The following ZNF496 variants were observed in gnomAD, a reference collection of about 807,000 sequenced individuals.
ZNF496 encodes zinc finger protein 496.
ZNF496 carries 11 observed loss-of-function variants against 58.9 expected under a neutral mutation model. That is an observed-to-expected ratio of 0.19 (90% CI 0.12 to 0.31). The LOEUF is 0.31. Among genes scored for constraint, ZNF496 ranks in the 10% least tolerant of loss-of-function variants. ZNF496 has a pLI of 1.00. For synonymous variants in ZNF496, 338 were observed against 318.2 expected, an observed-to-expected ratio of 1.06 and a Z score of -0.66; for missense variants, 660 against 783.0, an observed-to-expected ratio of 0.84 and a Z score of 1.88.
rs757859173 is a variant in ZNF496, at chr1:247,300,583, T to A, written c.1700A>T (p.Asp567Val). ...YCVKSFTQNYDLLRHERLHMK... is the reference protein window; with the variant it reads ...YCVKSFTQNYVLLRHERLHMK... The stretch of plus-strand genomic sequence containing the variant: ...GTGCAGGCGCTCGTGGCGGAGGAGG[T>A]CATAGTTCTGCGTGAAGCTCTTGAC... Residue 567 changes from aspartate (D) to valine (V), a missense_variant, in exon 10 of 10, where the codon GAC (aspartate) becomes GTC (valine). Transcript: ENST00000682384. The surrounding 1 kb of genome is among the most constrained non-coding windows in gnomAD (Gnocchi z 5.7). The A allele has an allele frequency of 1.9e-6, 3 of 1,613,620 alleles. No individual in the cohort carries two copies.
At chr1:247,319,781 G>A (rs752908544) in intron 6 of ZNF496, among the ~76,000 whole-genome samples, 18 of 152,058 alleles carry the variant, frequency 1.2e-4, no homozygotes, top group Admixed American at 2.6e-4. Context: ...AAATGAGCCG[G>A]GCCTGGTGGT....
Position 247,309,711 on chromosome 1 carries a change from C to A in ZNF496, c.880G>T (p.Val294Phe). Residue 294 changes from valine (V) to phenylalanine (F), a missense_variant, in exon 8 of 10, where the codon GTC (valine) becomes TTC (phenylalanine). Physicochemically the swap from Val to Phe is conservative, Grantham distance 50 (BLOSUM62 -1). Coordinates refer to ENST00000682384, the MANE Select transcript of ZNF496 (RefSeq NM_032752.3). The surrounding 1 kb of genome is among the most constrained non-coding windows in gnomAD (Gnocchi z 4.3). ...QDLQGKEVPQ[V>F]SYLDSPSLQP... ...AATCATTACTCACCCAAGTAGGAGA[C>A]CTGGGGCACTTCTTTGCCCTGGAGA... 1 of 1,614,168 alleles carries A rather than the reference C, an allele frequency of 6.2e-7. No homozygotes were observed. The highest frequency in any genetic ancestry group is 8.5e-7 in the Non-Finnish European group (1 of 1,180,036).
chr1:247,328,466 G>A (rs918090596), intron 5 of ZNF496, among the ~76,000 whole-genome samples: 4 of 152,204 alleles, frequency 2.6e-5, no homozygotes, highest in African/African-American at 9.6e-5. Context: ...AGCTCTGAGA[G>A]GCTCTAGAAC....
At chr1:247,319,185 G>A (rs546255444) in intron 6 of ZNF496, among the ~76,000 whole-genome samples, 25 of 151,990 alleles carry the variant, frequency 1.6e-4, no homozygotes, top group Non-Finnish European at 2.4e-4. Flanking sequence ...ACAAGGTTTC[G>A]CTATGTTGCC....
chr1:247,307,572 G>C, intron 9 of ZNF496: 2 of 985,352 alleles, frequency 2.0e-6, no homozygotes, highest in Non-Finnish European at 1.2e-6. Flanking sequence ...AGAAAACCAG[G>C]GGTGGGCATC....
Position 247,300,687 on chromosome 1 carries a change from C to T in ZNF496, c.1596G>A (p.Gln532=). ...FQCCECGKAF[Q]RHDHLARHRS... ...GGTGCCGAGCCAGGTGGTCGTGCCG[C>T]TGGAAGGCCTTCCCACACTCACAGC... The change falls in exon 10 of 10, where the codon CAG becomes CAA. Residue 532 remains glutamine (Q), a synonymous_variant. Transcript: ENST00000682384. The surrounding 1 kb of genome is among the most constrained non-coding windows in gnomAD (Gnocchi z 5.7). 2.5e-6 allele frequency: 4 copies of T among 1,614,090 alleles called. No individual in the cohort carries two copies. Among genetic ancestry groups the T allele is most frequent in the Non-Finnish European group, 3.4e-6 (4 of 1,180,044 alleles).
chr1:247,310,530 G>A, intron 6 of ZNF496, 74 bp from the exon 7 acceptor site: 1 of 1,577,640 alleles, frequency 6.3e-7, no homozygotes, highest in Non-Finnish European at 8.7e-7. Context: ...CACTGAGGCT[G>A]TGACAACACA....
Position 247,299,773 on chromosome 1 carries a change from T to G in ZNF496, c.*746A>C, listed in dbSNP as rs576047408. On this transcript the variant is annotated 3_prime_UTR_variant, in exon 10 of 10. Transcript: ENST00000682384. The stretch of plus-strand genomic sequence containing the variant: ...TAGGTGTGCAACACAAATTAAAATG[T>G]AAGCTTTGTTTTTGGTGAGCTCCAG... 3 of 152,366 alleles carry G rather than the reference T, an allele frequency of 2.0e-5. No homozygotes were observed. Among genetic ancestry groups the G allele is most frequent in the African/African-American group, 7.2e-5 (3 of 41,586 alleles). 9.4% of individuals were successfully genotyped at this position (152,366 alleles called of 1,614,324 possible). A position where few individuals can be genotyped will look rare whatever the true frequency, so the allele number is the denominator to read the frequency against.
chr1:247,301,174 T>A lies in ZNF496; in HGVS notation c.1109A>T (p.Tyr370Phe), dbSNP rs61737662. The part of the protein sequence containing the change: ...SGDEDSQHGP[Y>F]CTEELGSPTE... ...GGGGCTCCCCAGCTCTTCTGTGCAG[T>A]ACGGGCCATGCTGGGAGTCCTCGTC... is the stretch of plus-strand genomic sequence containing the variant. The change falls in exon 10 of 10, where the codon TAC becomes TTC. Residue 370 changes from tyrosine (Y) to phenylalanine (F), a missense_variant. Tyr to Phe is a conservative substitution (Grantham distance 22). Transcript: ENST00000682384. 197 of 1,601,054 alleles carry A rather than the reference T, an allele frequency of 1.2e-4. No homozygotes were observed. In the African/African-American group the frequency reaches 2.3e-3, roughly 19 times the overall value.
intron 5 of ZNF496, among the ~76,000 whole-genome samples, chr1:247,325,666 GT>G (rs1181689141): frequency 6.6e-6 from 1 of 152,084 alleles, no homozygotes; most frequent in African/African-American, 2.4e-5. Context: ...CAGAGGGGGT[GT>G]TTTATTTTTT....
intron 9 of ZNF496, among the ~76,000 whole-genome samples, chr1:247,303,030 C>A (rs1468960658): frequency 6.6e-6 from 1 of 152,154 alleles, no homozygotes; most frequent in Non-Finnish European, 1.5e-5. Context: ...GAAATTGTGT[C>A]CCCCTGAAAA....
chr1:247,310,053 GA>G, intron 7 of ZNF496: 1 of 1,428,412 alleles, frequency 7.0e-7, no homozygotes, highest in Non-Finnish European at 9.1e-7. Flanking sequence ...AAAACGGTAA[GA>G]ACGATGGAAG....
chr1:247,309,620 G>A lies in ZNF496; in HGVS notation c.892+79C>T. 1 of 1,578,184 alleles carries A rather than the reference G, an allele frequency of 6.3e-7. No individual in the cohort carries two copies. The highest frequency in any genetic ancestry group is 1.2e-5 in the South Asian group (1 of 86,346). ...AGGCAATTAGGGGCCGCAGAGAGAA[G>A]CCAGAGAGTGGGCTCACCTCCGGCT... On this transcript the variant is annotated intron_variant, in intron 8 of 9. Transcript: ENST00000682384. The surrounding 1 kb of genome is among the most constrained non-coding windows in gnomAD (Gnocchi z 4.3).
At position 247,310,318 on chromosome 1, in the gene ZNF496, T is replaced by C. The variant is rs775793039; in HGVS notation, c.784+6A>G. The C allele has an allele frequency of 6.2e-7, 1 of 1,614,074 alleles. No homozygotes were observed. The highest frequency in any genetic ancestry group is 8.5e-7 in the Non-Finnish European group (1 of 1,180,022). On this transcript the variant is annotated splice_donor_region_variant and intron_variant, in intron 7 of 9. Coordinates refer to ENST00000682384, the MANE Select transcript of ZNF496 (RefSeq NM_032752.3). ...TCTTGAGGTGTGGGGGGAAGTTAAG[T>C]CTTACTTGGAGGCATTGAGACCCCG...
At chr1:247,324,854 T>G (rs914980375) in intron 5 of ZNF496, among the ~76,000 whole-genome samples, 1 of 152,360 alleles carries the variant, frequency 6.6e-6, no homozygotes, top group East Asian at 1.9e-4. Context: ...ATGTAAAGTG[T>G]GGCTTTGGGA....
chr1:247,302,352 G>C (rs1349308832), intron 9 of ZNF496, among the ~76,000 whole-genome samples: 1 of 152,086 alleles, frequency 6.6e-6, no homozygotes, highest in Non-Finnish European at 1.5e-5. Flanking sequence ...GGAAGCGGAG[G>C]GGGCATTTGT....
rs1553272978 is a variant in ZNF496 at position 247,324,529 on chromosome 1, C to CTA, written c.575-1300_575-1299insTA. On this transcript the variant is annotated intron_variant, in intron 5 of 9. Coordinates refer to ENST00000682384, the MANE Select transcript of ZNF496 (RefSeq NM_032752.3). ...TAATGCATTATATTAATTAGCTTGA[C>CTA]TTTTTTTTTTTTTAAGAGACTGGTC... is the stretch of plus-strand genomic sequence containing the variant. 2.0e-5 allele frequency among the ~76,000 whole-genome samples: 3 copies of CTA among 147,846 alleles called. No homozygotes were observed. The East Asian group carries it at 6.0e-4, about 29-fold the overall frequency.
At position 247,329,616 on chromosome 1, in the gene ZNF496, C is replaced by G. The variant is rs200580306; in HGVS notation, c.-37-1G>C. 5.5e-5 allele frequency: 84 copies of G among 1,517,860 alleles called. No homozygotes were observed. In the Middle Eastern group the frequency reaches 1.0e-3, roughly 18 times the overall value. 94.0% of individuals were successfully genotyped at this position (1,517,860 alleles called of 1,614,324 possible). A position where few individuals can be genotyped will look rare whatever the true frequency, so the allele number is the denominator to read the frequency against. On this transcript the variant is annotated splice_acceptor_variant, in intron 3 of 9. Transcript: ENST00000682384. LOFTEE classifies it low-confidence loss of function (5UTR_SPLICE). The surrounding 1 kb of genome is among the most constrained non-coding windows in gnomAD (Gnocchi z 5.5). ...TGGGGGTCAGCAGCAGAAGACGACC[C>G]TATTTCCAAACAGAAATCACTGGCT... is the stretch of plus-strand genomic sequence containing the variant.
chr1:247,304,654 G>C (rs967135739), intron 9 of ZNF496, among the ~76,000 whole-genome samples: 2 of 152,108 alleles, frequency 1.3e-5, no homozygotes, highest in African/African-American at 4.8e-5. Flanking sequence ...TTATAGGCAC[G>C]AGCCACACCA....
Sources: gnomAD v4.1 joint callset for allele counts (sites outside exome capture counted in the v4.1 genomes callset) on GRCh38, gnomAD v4.1.1 for gene constraint, Gnocchi (gnomAD v3.1) non-coding constraint, MANE v1.5 for transcripts, NCBI Gene and HGNC (gene_info 2026-07-23, HGNC 2026-07-21) for gene names.